CPSF3: variants seen among roughly 807,000 people sequenced by gnomAD.
CPSF3 encodes cleavage and polyadenylation specificity factor subunit 3.
A neutral mutation model predicts 84.1 loss-of-function variants in CPSF3; 57 were observed. The ratio of observed to expected loss-of-function variants is 0.68; its 90% confidence interval spans 0.55 to 0.85. CPSF3 has a LOEUF of 0.85. Ranked by LOEUF, CPSF3 falls within the 40% of genes least tolerant of loss-of-function variation. The pLI, the probability that CPSF3 is intolerant of heterozygous loss-of-function variation, is 0.00. For missense variants in CPSF3, 522 were observed against 838.8 expected, an observed-to-expected ratio of 0.62 and a Z score of 4.66; for synonymous variants, 275 against 278.1, an observed-to-expected ratio of 0.99 and a Z score of 0.11.
intron 16 of CPSF3, among the ~76,000 whole-genome samples, chr2:9,468,967 A>G (rs1553348992): frequency 6.6e-6 from 1 of 152,154 alleles, no homozygotes; most frequent in Non-Finnish European, 1.5e-5. Context: ...AAAATGATAG[A>G]CTTTAAATGA....
At chr2:9,472,533 A>G (rs1682206843) in intron 17 of CPSF3, among the ~76,000 whole-genome samples, 1 of 152,016 alleles carries the variant, frequency 6.6e-6, no homozygotes, top group Non-Finnish European at 1.5e-5. Flanking sequence ...CCCCAGCCTC[A>G]AGTCATCACT....
At chr2:9,427,371 A>T (rs1469264548) in intron 1 of CPSF3, among the ~76,000 whole-genome samples, 2 of 152,222 alleles carry the variant, frequency 1.3e-5, no homozygotes, top group Non-Finnish European at 2.9e-5. Context: ...TTGATGCAGA[A>T]GATGGCCCAT....
chr2:9,432,577 A>G lies in CPSF3; in HGVS notation c.408A>G (p.Glu136=). ...TDLEESMDKI[E]TINFHEVKEV... is the part of the protein sequence containing the mutation. ...TGGAAGAAAGCATGGACAAAATTGA[A>G]ACTATCAACTTTCATGAAGTTAAGG... is the stretch of plus-strand genomic sequence containing the variant. The change falls in exon 5 of 18, where the codon GAA becomes GAG. Residue 136 remains glutamate (E), a synonymous_variant. Coordinates refer to ENST00000238112, the MANE Select transcript of CPSF3 (RefSeq NM_016207.4). 6.4e-7 allele frequency: 1 copy of G among 1,570,912 alleles called. No homozygotes were observed. The highest frequency in any genetic ancestry group is 8.7e-7 in the Non-Finnish European group (1 of 1,149,114).
chr2:9,469,487 C>T (rs778494561), intron 16 of CPSF3, among the ~76,000 whole-genome samples: 34 of 152,328 alleles, frequency 2.2e-4, no homozygotes, highest in Non-Finnish European at 3.5e-4. Flanking sequence ...CGCTCTCCCA[C>T]GTGCTGCAGT....
intron 15 of CPSF3, among the ~76,000 whole-genome samples, chr2:9,466,414 ACGCACACGCG>A (rs1288889024): frequency 1.4e-5 from 2 of 146,150 alleles, no homozygotes; most frequent in African/African-American, 5.2e-5. Flanking sequence ...ACGCGCACAC[ACGCACACGCG>A]CACACACGCG....
At position 9,455,678 on chromosome 2, in the gene CPSF3, G is replaced by A. The variant is rs1558461224; in HGVS notation, c.1524G>A (p.Met508Ile). 1 of 1,613,912 alleles carries A rather than the reference G, an allele frequency of 6.2e-7. No homozygotes were observed. Among genetic ancestry groups the A allele is most frequent in the Non-Finnish European group, 8.5e-7 (1 of 1,179,840 alleles). The change falls in exon 13 of 18, where the codon ATG (methionine) becomes ATA (isoleucine). Residue 508 changes from methionine (M) to isoleucine (I), a missense_variant. Met to Ile is a conservative substitution (Grantham distance 10). Transcript: ENST00000238112. ...CTTCAGATTATACTGACCTGGCCAT[G>A]AGCACGGTGAAGCAGACCCAAGCCA... ...CDLSNYTDLA[M>I]STVKQTQAIP... is the part of the protein sequence containing the mutation.
intron 10 of CPSF3, among the ~76,000 whole-genome samples, chr2:9,447,840 T>C (rs1205868908): frequency 2.0e-5 from 3 of 152,110 alleles, no homozygotes; most frequent in Admixed American, 2.0e-4. Context: ...AATAGTTTTG[T>C]ACAAGAGTCA....
chr2:9,462,118 C>T (rs370441456), intron 15 of CPSF3, among the ~76,000 whole-genome samples: 6 of 152,026 alleles, frequency 3.9e-5, no homozygotes, highest in Non-Finnish European at 5.9e-5. Flanking sequence ...GGAACGGTGA[C>T]GTGGGGAAGA....
chr2:9,429,854 T>G (rs1680516837), intron 2 of CPSF3, 69 bp from the exon 3 acceptor site: 2 of 1,015,262 alleles, frequency 2.0e-6, no homozygotes, highest in East Asian at 5.0e-5. Flanking sequence ...CTAGAATTAT[T>G]GCCTATTTGC....
At chr2:9,431,035 A>T (rs551639497) in intron 4 of CPSF3, among the ~76,000 whole-genome samples, 155 bp downstream of exon 4, 1 of 152,152 alleles carries the variant, frequency 6.6e-6, no homozygotes, top group Non-Finnish European at 1.5e-5. Context: ...ATTGAAACCT[A>T]TTGTGTTTCT....
At chr2:9,453,101 G>A (rs1391421986) in intron 12 of CPSF3, 80 bp downstream of exon 12, 15 of 840,312 alleles carry the variant, frequency 1.8e-5, no homozygotes, top group Non-Finnish European at 1.5e-5. Context: ...TTCACCTTGT[G>A]GCCTAATGTT....
At chr2:9,428,060 G>A (rs188705893) in intron 1 of CPSF3, among the ~76,000 whole-genome samples, 2,792 of 150,858 alleles carry the variant, frequency 0.019, 38 homozygotes, top group Non-Finnish European at 0.026. Context: ...GCAGTGGCGC[G>A]ATCTCAGCTC....
chr2:9,467,635 GATT>G, intron 15 of CPSF3, 69 bp from the exon 16 acceptor site: 1 of 1,138,054 alleles, frequency 8.8e-7, no homozygotes, highest in Non-Finnish European at 1.3e-6. Context: ...ACCAGATTCT[GATT>G]ATTGATTTGG....
chr2:9,439,677 T>A (rs894776251), intron 7 of CPSF3, among the ~76,000 whole-genome samples: 1 of 152,124 alleles, frequency 6.6e-6, no homozygotes, highest in Non-Finnish European at 1.5e-5. Flanking sequence ...TATCAGAAAC[T>A]GGTTAGTAGG....
chr2:9,467,777 G>A lies in CPSF3; in HGVS notation c.1856+1G>A. 1 of 1,610,904 alleles carries A rather than the reference G, an allele frequency of 6.2e-7. No homozygotes were observed. Among genetic ancestry groups the A allele is most frequent in the African/African-American group, 1.3e-5 (1 of 74,962 alleles). The stretch of plus-strand genomic sequence containing the variant: ...GCAAGAGGTTGGAGATCATGCTCCA[G>A]TAAGTTTTTCACCCATTATTTCTCA... On this transcript the variant is annotated splice_donor_variant, in intron 16 of 17. Transcript: ENST00000238112. LOFTEE classifies it high-confidence loss of function.
chr2:9,463,743 C>T lies in CPSF3; in HGVS notation c.1787-3964C>T, dbSNP rs6757259. 6.1e-3 allele frequency among the ~76,000 whole-genome samples: 925 copies of T among 152,286 alleles called. 7 individuals are homozygous for T. The highest frequency in any genetic ancestry group is 0.021 in the African/African-American group (874 of 41,558). On this transcript the variant is annotated intron_variant, in intron 15 of 17. Transcript: ENST00000238112. ...ATTTTCACATTTAGAGCAGAGTCAGCGACTGTGGCCCACAAGCCACACCTA... is the reference window on the plus strand; with the variant it reads ...ATTTTCACATTTAGAGCAGAGTCAGTGACTGTGGCCCACAAGCCACACCTA...
chr2:9,448,379 A>T (rs777300091), intron 11 of CPSF3, 29 bp downstream of exon 11: 2 of 1,556,066 alleles, frequency 1.3e-6, no homozygotes, highest in African/African-American at 1.4e-5. Context: ...TGTCTGTCCA[A>T]TCCATGTTTT....
At chr2:9,470,188 C>T (rs1383411929) in intron 16 of CPSF3, among the ~76,000 whole-genome samples, 1 of 152,196 alleles carries the variant, frequency 6.6e-6, no homozygotes, top group Non-Finnish European at 1.5e-5. Context: ...GGACACTGCA[C>T]TCCAGCCTGG....
chr2:9,448,453 C>A, intron 11 of CPSF3, 103 bp downstream of exon 11: 1 of 989,332 alleles, frequency 1.0e-6, no homozygotes, highest in Non-Finnish European at 1.5e-6. Flanking sequence ...ATGCTTATTT[C>A]TGTCTACTTG....
Sources: allele counts gnomAD v4.1 joint callset (sites outside exome capture counted in the v4.1 genomes callset), GRCh38; gene constraint gnomAD v4.1.1; transcripts MANE v1.5; gene names NCBI Gene and HGNC (gene_info 2026-07-23, HGNC 2026-07-21).